BBS9: variants seen among roughly 807,000 people sequenced by gnomAD.
BBS9 encodes Bardet-Biedl syndrome 9.
BBS9 carries 89 observed loss-of-function variants against 117.7 expected under a neutral mutation model. The ratio of observed to expected loss-of-function variants is 0.76; its 90% CI spans 0.64 to 0.90. The LOEUF (loss-of-function observed/expected upper bound fraction) is 0.90. BBS9 is among the 40% of genes least tolerant of loss of function. The pLI, the probability that BBS9 is intolerant of heterozygous loss-of-function variation, is 0.00. For missense variants in BBS9, 982 were observed against 1,042.2 expected (o/e 0.94, Z 0.80); for synonymous variants, 379 against 370.9 (o/e 1.02, Z -0.25).
intron 19 of BBS9, 120 bp downstream of exon 19, chr7:33,388,264 A>G: frequency 9.8e-6 from 12 of 1,227,924 alleles, no homozygotes; most frequent in Non-Finnish European, 1.4e-5. Context: ...AGGAACAGTG[A>G]ACAGTGCACA....
chr7:33,549,648 G>A (rs7792897), intron 21 of BBS9, among the ~76,000 whole-genome samples: 89,626 of 149,408 alleles, frequency 0.6, 27,946 homozygotes, highest in African/African-American at 0.75. Flanking sequence ...AAAAGAAGAC[G>A]TTTATGCAGC....
chr7:33,301,070 T>C (rs184810541), intron 9 of BBS9, among the ~76,000 whole-genome samples: 3 of 152,148 alleles, frequency 2.0e-5, no homozygotes, highest in Non-Finnish European at 4.4e-5. Context: ...TGAAGGTACC[T>C]GTCCCTTTCT....
intron 9 of BBS9, among the ~76,000 whole-genome samples, chr7:33,275,685 G>A (rs1001905987): frequency 6.6e-6 from 1 of 152,132 alleles, no homozygotes. Context: ...ATGATGGGTA[G>A]AAAGACCTTA....
chr7:33,596,858 A>G (rs1862898435), intron 21 of BBS9, among the ~76,000 whole-genome samples: 3 of 151,726 alleles, frequency 2.0e-5, no homozygotes, highest in Non-Finnish European at 2.9e-5. Flanking sequence ...CTATTCTTCC[A>G]TTTTGCCAAA....
intron 16 of BBS9, among the ~76,000 whole-genome samples, chr7:33,360,268 G>C (rs1820379547): frequency 6.6e-6 from 1 of 151,970 alleles, no homozygotes; most frequent in African/African-American, 2.4e-5. Flanking sequence ...GAATTGCTGG[G>C]TGAGACAGAG....
intron 1 of BBS9, among the ~76,000 whole-genome samples, chr7:33,131,583 G>A (rs1789616521): frequency 6.6e-6 from 1 of 152,140 alleles, no homozygotes; most frequent in Admixed American, 6.5e-5. Context: ...CCTGGAGAAA[G>A]CAAAGCTCTG....
chr7:33,590,466 T>TGTTTTTG (rs60557617), intron 21 of BBS9, among the ~76,000 whole-genome samples: 13 of 139,506 alleles, frequency 9.3e-5, no homozygotes, highest in African/African-American at 2.8e-4. Flanking sequence ...TTTGTTTTTT[T>TGTTTTTG]TTTTTTTTTT....
Position 33,537,445 on chromosome 7 carries a change from C to CT in BBS9, c.2521+3274dup, listed in dbSNP as rs373681422. Among the ~76,000 whole-genome samples, 839 of 152,298 alleles carry CT rather than the reference C, an allele frequency of 5.5e-3. 2 individuals are homozygous for CT. The highest frequency in any genetic ancestry group is 8.4e-3 in the Non-Finnish European group (570 of 68,020). ...TTTTCCCTTAACCTTTTCTGGTGAA[C>CT]TTTTTGTTGTTGTTGCAGAGCTATC... is the stretch of plus-strand genomic sequence containing the variant. On this transcript the variant is annotated intron_variant, in intron 21 of 22. Coordinates refer to ENST00000242067, the MANE Select transcript of BBS9 (RefSeq NM_198428.3).
At chr7:33,278,523 A>T (rs1801206732) in intron 9 of BBS9, among the ~76,000 whole-genome samples, 2 of 152,174 alleles carry the variant, frequency 1.3e-5, no homozygotes, top group Admixed American at 1.3e-4. Flanking sequence ...TTAATTTCCT[A>T]GTCCTGAGAC....
At chr7:33,232,029 A>G (rs1270315703) in intron 5 of BBS9, among the ~76,000 whole-genome samples, 1 of 152,142 alleles carries the variant, frequency 6.6e-6, no homozygotes, top group Non-Finnish European at 1.5e-5. Context: ...AAAATTAAGG[A>G]CTGCATTGCA....
chr7:33,535,842 C>A (rs948328959), intron 21 of BBS9, among the ~76,000 whole-genome samples: 1 of 152,042 alleles, frequency 6.6e-6, no homozygotes, highest in Non-Finnish European at 1.5e-5. Flanking sequence ...GATGGGATGG[C>A]CCATCTGATT....
chr7:33,312,515 C>T (rs1350969924), intron 9 of BBS9, among the ~76,000 whole-genome samples: 1 of 152,180 alleles, frequency 6.6e-6, no homozygotes, highest in Non-Finnish European at 1.5e-5. Context: ...TTGATTTCCT[C>T]CACTGGAGTC....
Position 33,605,408 on chromosome 7 carries a change from C to A in BBS9, c.*182C>A. The stretch of plus-strand genomic sequence containing the variant: ...ACTTCACTAGGAGAACTTGTAACAC[C>A]ATGGGGAAGTCAGCTGAAACTTGTC... On this transcript the variant is annotated 3_prime_UTR_variant, in exon 23 of 23. Transcript: ENST00000242067. The A allele has an allele frequency of 1.5e-6, 1 of 668,508 alleles. No homozygotes were observed. The allele number at this position is 668,508 out of a possible 1,614,324, so 41.4% of individuals were successfully genotyped here.
chr7:33,495,391 AT>A lies in BBS9; in HGVS notation c.2116-10071del, dbSNP rs563041083. Among the ~76,000 whole-genome samples the A allele has an allele frequency of 5.9e-3, 903 of 152,340 alleles. 11 individuals are homozygous for A. Among genetic ancestry groups the A allele is most frequent in the African/African-American group, 0.021 (866 of 41,584 alleles). ...CACTCGAGGCAGTGTGGGTGGTTGC[AT>A]AATTACTGACATGTCTGCATGTAGG... On this transcript the variant is annotated intron_variant, in intron 19 of 22. Transcript: ENST00000242067.
intron 20 of BBS9, among the ~76,000 whole-genome samples, chr7:33,533,414 G>A (rs1850885086): frequency 6.6e-6 from 1 of 152,148 alleles, no homozygotes; most frequent in African/African-American, 2.4e-5. Flanking sequence ...TCTTGCAATA[G>A]CTCCTTTGTT....
chr7:33,156,674 G>A (rs1278809083), intron 4 of BBS9, among the ~76,000 whole-genome samples: 1 of 152,162 alleles, frequency 6.6e-6, no homozygotes, highest in Non-Finnish European at 1.5e-5. Flanking sequence ...CTTGTTGAAT[G>A]AATGAATGAA....
intron 9 of BBS9, chr7:33,314,368 A>G (rs1584271494): frequency 2.7e-6 from 1 of 372,148 alleles, no homozygotes; most frequent in East Asian, 7.8e-5. Flanking sequence ...CTTGGCATTT[A>G]TACATTCAAA....
At chr7:33,530,026 G>A (rs1850324847) in intron 20 of BBS9, among the ~76,000 whole-genome samples, 1 of 152,184 alleles carries the variant, frequency 6.6e-6, no homozygotes, top group African/African-American at 2.4e-5. Flanking sequence ...TCTCACACCT[G>A]AGATTCTAGA....
intron 4 of BBS9, among the ~76,000 whole-genome samples, chr7:33,156,479 G>T (rs771570192): frequency 6.6e-6 from 1 of 152,046 alleles, no homozygotes; most frequent in Non-Finnish European, 1.5e-5. Context: ...CTAGGATTTG[G>T]ATTTCTCAGA....
Sources: gnomAD v4.1 joint callset for allele counts (sites outside exome capture counted in the v4.1 genomes callset) on GRCh38, gnomAD v4.1.1 for gene constraint, MANE v1.5 for transcripts, NCBI Gene and HGNC (gene_info 2026-07-23, HGNC 2026-07-21) for gene names.